Variants in TMCC1 observed in about 807,000 individuals in gnomAD.
The protein encoded by TMCC1 is transmembrane and coiled-coil domain family 1, also known as transmembrane and coiled-coil domains protein 1.
A neutral mutation model predicts 52.4 loss-of-function variants in TMCC1; 15 were observed. The ratio of observed to expected loss-of-function variants is 0.29; its 90% confidence interval spans 0.19 to 0.44. The LOEUF is 0.44. Ranked by LOEUF, TMCC1 falls within the 20% of genes least tolerant of loss-of-function variation. The probability of loss-of-function intolerance (pLI) is 1.00; values close to 1 mark genes in which losing one functional copy is unlikely to be tolerated. For synonymous variants in TMCC1, 279 were observed against 301.9 expected, an observed-to-expected ratio of 0.92 and a Z score of 0.79; for missense variants, 503 against 806.0, an observed-to-expected ratio of 0.62 and a Z score of 4.55.
At position 129,725,386 on chromosome 3, in the gene TMCC1, G is replaced by A. The variant is rs544595124; in HGVS notation, c.577-54122C>T. On this transcript the variant is annotated intron_variant, in intron 4 of 6. Transcript: ENST00000393238. ...GGCCTCCTAGAGTGTTGGGATTACA[G>A]ATGTGAGCCACTGTGCGCGGCCTAA... 1.6e-4 allele frequency among the ~76,000 whole-genome samples: 24 copies of A among 152,278 alleles called. No homozygotes were observed. In the South Asian group the frequency reaches 4.4e-3, roughly 28 times the overall value.
At chr3:129,818,902 C>G (rs538472062) in intron 4 of TMCC1, 2 of 152,750 alleles carry the variant, frequency 1.3e-5, no homozygotes, top group South Asian at 2.1e-4. Context: ...TGGTTAATCT[C>G]TAACACCAAT....
At chr3:129,826,218 T>C (rs931895868) in intron 4 of TMCC1, among the ~76,000 whole-genome samples, 2 of 151,848 alleles carry the variant, frequency 1.3e-5, no homozygotes. Flanking sequence ...ATAACTAATA[T>C]AGGCTGGACA....
chr3:129,890,428 A>C (rs1349881351), intron 1 of TMCC1, among the ~76,000 whole-genome samples: 2 of 152,254 alleles, frequency 1.3e-5, no homozygotes, highest in African/African-American at 2.4e-5. Flanking sequence ...AGAAGTAAAA[A>C]TCAGATTCTA....
In TMCC1 at chr3:129,787,387, G is replaced by A. The variant is rs867357980; in HGVS notation, c.576+40416C>T. 3.9e-5 allele frequency among the ~76,000 whole-genome samples: 6 copies of A among 152,252 alleles called. No individual in the cohort carries two copies. In the South Asian group the frequency reaches 1.2e-3, roughly 32 times the overall value. On this transcript the variant is annotated intron_variant, in intron 4 of 6. Transcript: ENST00000393238. ...GTGATCTGTTTCTTACAACCTATAT[G>A]ATGGAACAGACTGAAATTTAAGAGA... is the stretch of plus-strand genomic sequence containing the variant.
chr3:129,811,653 C>T (rs944835123), intron 4 of TMCC1, among the ~76,000 whole-genome samples: 2 of 152,042 alleles, frequency 1.3e-5, no homozygotes, highest in African/African-American at 4.8e-5. Flanking sequence ...AAAAAGAAAT[C>T]AAGTTTTGGG....
Position 129,882,801 on chromosome 3 carries a change from A to G in TMCC1, c.-434-2242T>C, listed in dbSNP as rs191053880. 4.7e-4 allele frequency among the ~76,000 whole-genome samples: 71 copies of G among 152,332 alleles called. No homozygotes were observed. The East Asian group carries it at 0.013, about 28-fold the overall frequency. On this transcript the variant is annotated intron_variant, in intron 1 of 6. Coordinates refer to ENST00000393238, the MANE Select transcript of TMCC1 (RefSeq NM_001017395.5). ...AGACAAGTACTGTATGATTCCACTT[A>G]TATGAGGTACCTAGGGTAGTCAAAT...
intron 5 of TMCC1, among the ~76,000 whole-genome samples, chr3:129,667,355 C>T (rs994580047): frequency 1.3e-5 from 2 of 151,368 alleles, no homozygotes; most frequent in Non-Finnish European, 2.9e-5. Flanking sequence ...AAATCTCTAT[C>T]TGCTTTATAC....
intron 2 of TMCC1, among the ~76,000 whole-genome samples, chr3:129,833,635 G>C (rs1329916890): frequency 6.6e-6 from 1 of 152,100 alleles, no homozygotes; most frequent in African/African-American, 2.4e-5. Flanking sequence ...ACTCACACCT[G>C]TAATCCCAGC....
intron 4 of TMCC1, among the ~76,000 whole-genome samples, chr3:129,705,642 G>A (rs1028586984): frequency 8.4e-5 from 12 of 142,808 alleles, no homozygotes; most frequent in Admixed American, 1.5e-4. Flanking sequence ...GTCTTGCTCC[G>A]TCACCCAGGC....
chr3:129,686,523 T>C (rs2089421425), intron 4 of TMCC1, among the ~76,000 whole-genome samples: 1 of 152,198 alleles, frequency 6.6e-6, no homozygotes, highest in Admixed American at 6.5e-5. Context: ...CAATATTGCC[T>C]ACTTAGCTGC....
At chr3:129,774,281 G>C (rs74948324) in intron 4 of TMCC1, among the ~76,000 whole-genome samples, 1 of 152,268 alleles carries the variant, frequency 6.6e-6, no homozygotes, top group African/African-American at 2.4e-5. Flanking sequence ...TTATTATATA[G>C]TACAGAGGTA....
At chr3:129,704,718 C>A (rs1404784239) in intron 4 of TMCC1, among the ~76,000 whole-genome samples, 1 of 152,100 alleles carries the variant, frequency 6.6e-6, no homozygotes, top group Non-Finnish European at 1.5e-5. Context: ...ACACTCGGCC[C>A]GGGCAGAACA....
chr3:129,671,395 G>C (rs1462486805), intron 4 of TMCC1, 131 bp from the exon 5 acceptor site: 1 of 952,980 alleles, frequency 1.0e-6, no homozygotes, highest in African/African-American at 1.7e-5. Context: ...ATTCCCCCTT[G>C]TCCTATGCCA....
Position 129,649,133 on chromosome 3 carries a change from G to A in TMCC1, c.*2348C>T, listed in dbSNP as rs1262641244. On this transcript the variant is annotated 3_prime_UTR_variant, in exon 7 of 7. Transcript: ENST00000393238. ...TCCATCTATCAAAGTGACTTCCAGT[G>A]CCCACAAAACTTAAGTCTTCAGGCA... is the stretch of plus-strand genomic sequence containing the variant. 1 of 152,206 alleles carries A rather than the reference G, an allele frequency of 6.6e-6. No homozygotes were observed. Among genetic ancestry groups the A allele is most frequent in the African/African-American group, 2.4e-5 (1 of 41,442 alleles). The allele number at this position is 152,206 out of a possible 1,614,324, so 9.4% of individuals were successfully genotyped here. A position where few individuals can be genotyped will look rare whatever the true frequency, so the allele number is the denominator to read the frequency against.
chr3:129,844,108 C>T (rs1426764924), intron 2 of TMCC1, among the ~76,000 whole-genome samples: 3 of 152,028 alleles, frequency 2.0e-5, no homozygotes, highest in Admixed American at 6.6e-5. Flanking sequence ...TACTAAGAAA[C>T]TAAATAAGAA....
intron 2 of TMCC1, among the ~76,000 whole-genome samples, chr3:129,865,814 C>G (rs1204232146): frequency 6.6e-6 from 1 of 152,060 alleles, no homozygotes; most frequent in African/African-American, 2.4e-5. Flanking sequence ...ATAAGTAAAA[C>G]TAGAGGAGGT....
chr3:129,703,130 A>G (rs981014631), intron 4 of TMCC1, among the ~76,000 whole-genome samples: 1 of 152,236 alleles, frequency 6.6e-6, no homozygotes, highest in Non-Finnish European at 1.5e-5. Flanking sequence ...AAAAACCCAC[A>G]TACAAAGGCT....
At chr3:129,773,587 A>T (rs1468468794) in intron 4 of TMCC1, among the ~76,000 whole-genome samples, 1 of 152,234 alleles carries the variant, frequency 6.6e-6, no homozygotes, top group Non-Finnish European at 1.5e-5. Context: ...AGAACAAATA[A>T]GCCCAACAAT....
chr3:129,688,758 G>C, intron 4 of TMCC1: 1 of 984,966 alleles, frequency 1.0e-6, no homozygotes, highest in African/African-American at 1.7e-5. Context: ...TGAGAATGGA[G>C]ATCACAGACA....
Sources: gnomAD v4.1 joint callset for allele counts (sites outside exome capture counted in the v4.1 genomes callset) on GRCh38, gnomAD v4.1.1 for gene constraint, MANE v1.5 for transcripts, NCBI Gene and HGNC (gene_info 2026-07-23, HGNC 2026-07-21) for gene names.